Variants in NTM observed in about 807,000 individuals in gnomAD.
The protein encoded by NTM is neurotrimin, also known as IgLON family member 2.
A neutral mutation model predicts 42.1 loss-of-function variants in NTM; 13 were observed. The observed-to-expected ratio is 0.31, with a 90% CI of 0.20 to 0.49. The LOEUF (loss-of-function observed/expected upper bound fraction) is 0.49. NTM is among the 20% of genes least tolerant of loss of function. The pLI, the probability that NTM is intolerant of heterozygous loss-of-function variation, is 0.99. For missense variants in NTM, 373 were observed against 452.8 expected, an observed-to-expected ratio of 0.82 and a Z score of 1.60; for synonymous variants, 187 against 179.2, an observed-to-expected ratio of 1.04 and a Z score of -0.35.
At chr11:132,228,267 T>A (rs1264005788) in intron 4 of NTM, among the ~76,000 whole-genome samples, 3 of 152,248 alleles carry the variant, frequency 2.0e-5, no homozygotes, top group East Asian at 1.9e-4. Flanking sequence ...TCTGTGAACA[T>A]CCCTGCTGCC....
chr11:131,615,665 C>T (rs769624051), intron 1 of NTM, among the ~76,000 whole-genome samples: 4 of 152,140 alleles, frequency 2.6e-5, no homozygotes, highest in South Asian at 2.1e-4. Flanking sequence ...CCACCGCACC[C>T]GGCCGTAGCA....
intron 1 of NTM, among the ~76,000 whole-genome samples, chr11:131,760,077 C>G (rs1215380829): frequency 6.6e-6 from 1 of 151,936 alleles, no homozygotes; most frequent in Admixed American, 6.6e-5. Flanking sequence ...ATTTCTGAAC[C>G]AGAGACAGTC....
intron 1 of NTM, among the ~76,000 whole-genome samples, chr11:131,813,955 C>T (rs1301063648): frequency 6.6e-6 from 1 of 152,116 alleles, no homozygotes; most frequent in East Asian, 1.9e-4. Context: ...AGGTAATGTA[C>T]TGGACTCAGT....
At chr11:131,981,023 A>G (rs570957298) in intron 2 of NTM, 2 of 152,286 alleles carry the variant, frequency 1.3e-5, no homozygotes, top group African/African-American at 4.8e-5. Flanking sequence ...TGTGTTTATA[A>G]TAAGTTTAAA....
chr11:131,830,382 A>T (rs1271094129), intron 1 of NTM, among the ~76,000 whole-genome samples: 1 of 152,218 alleles, frequency 6.6e-6, no homozygotes, highest in Non-Finnish European at 1.5e-5. Context: ...ATCCTTCTGT[A>T]TATGGCTAGC....
chr11:131,759,630 G>C (rs1478112805), intron 1 of NTM, among the ~76,000 whole-genome samples: 4 of 150,842 alleles, frequency 2.7e-5, no homozygotes, highest in Non-Finnish European at 4.4e-5. Flanking sequence ...AGAGAAGCCA[G>C]CTCTTCCGTG....
At chr11:131,429,958 G>A (rs1351458237) in intron 1 of NTM, among the ~76,000 whole-genome samples, 1 of 152,144 alleles carries the variant, frequency 6.6e-6, no homozygotes, top group East Asian at 1.9e-4. Flanking sequence ...GGAGCTTTAG[G>A]ACAGGAACTG....
At chr11:131,960,983 T>A (rs1478137951) in intron 2 of NTM, among the ~76,000 whole-genome samples, 2 of 152,180 alleles carry the variant, frequency 1.3e-5, no homozygotes, top group Non-Finnish European at 2.9e-5. Context: ...CAACAGCGTC[T>A]TCAACCTACT....
chr11:131,990,708 T>G (rs918156767), intron 2 of NTM, among the ~76,000 whole-genome samples: 1 of 152,156 alleles, frequency 6.6e-6, no homozygotes, highest in Non-Finnish European at 1.5e-5. Flanking sequence ...TATTAAGATT[T>G]CAGATACACA....
At chr11:131,892,692 G>C (rs1360005720) in intron 1 of NTM, among the ~76,000 whole-genome samples, 1 of 152,230 alleles carries the variant, frequency 6.6e-6, no homozygotes, top group South Asian at 2.1e-4. Flanking sequence ...AGCTCATCAG[G>C]TTCTCCTGTC....
intron 1 of NTM, among the ~76,000 whole-genome samples, chr11:131,754,901 C>A (rs2083119253): frequency 6.6e-6 from 1 of 152,152 alleles, no homozygotes; most frequent in African/African-American, 2.4e-5. Flanking sequence ...TGAACTCACA[C>A]CATCACGATG....
chr11:132,294,933 G>A (rs2094561918), intron 4 of NTM, among the ~76,000 whole-genome samples: 1 of 152,162 alleles, frequency 6.6e-6, no homozygotes. Flanking sequence ...AGGAAGCAGG[G>A]ACATTGGCTA....
chr11:131,789,870 G>C (rs532041414), intron 1 of NTM, among the ~76,000 whole-genome samples: 2 of 149,776 alleles, frequency 1.3e-5, no homozygotes, highest in South Asian at 4.2e-4. Flanking sequence ...GCAGGAGAAT[G>C]GCGTGAACCC....
At chr11:132,232,875 G>C (rs369329034) in intron 4 of NTM, among the ~76,000 whole-genome samples, 1 of 152,226 alleles carries the variant, frequency 6.6e-6, no homozygotes. Flanking sequence ...AGCAAAAAAC[G>C]TAAGCGGCGT....
chr11:131,571,976 C>A (rs2137093769), intron 1 of NTM, among the ~76,000 whole-genome samples: 1 of 152,292 alleles, frequency 6.6e-6, no homozygotes, highest in African/African-American at 2.4e-5. Flanking sequence ...CAATTTGAAA[C>A]AACAACCACA....
rs1941058555 is a variant in NTM, at chr11:131,370,834, A to C, written c.28A>C (p.Asn10His). Reference sequence around the variant, plus strand: ...GAAAACCATCCAGCCAAAAATGCACAATTCTATCTCTTGGGCAATCTTCAC... The same window carrying C: ...GAAAACCATCCAGCCAAAAATGCACCATTCTATCTCTTGGGCAATCTTCAC... MKTIQPKMHNSISWAIFTGL... is the reference protein window; with the variant it reads MKTIQPKMHHSISWAIFTGL... The change falls in exon 1 of 9, where the codon AAT (asparagine) becomes CAT (histidine). Residue 10 changes from asparagine to histidine, a missense_variant. Asn to His is a moderately conservative substitution (Grantham distance 68). Coordinates refer to ENST00000683400, the MANE Select transcript of NTM (RefSeq NM_001352005.2). 6.2e-7 allele frequency: 1 copy of C among 1,614,076 alleles called. No individual in the cohort carries two copies. Among genetic ancestry groups the C allele is most frequent in the East Asian group, 2.2e-5 (1 of 44,880 alleles).
At chr11:131,547,196 GA>G (rs1161597314) in intron 1 of NTM, among the ~76,000 whole-genome samples, 2 of 152,202 alleles carry the variant, frequency 1.3e-5, no homozygotes, top group Non-Finnish European at 2.9e-5. Context: ...TCAGAGGCGT[GA>G]GCACACAGGC....
At chr11:132,306,625 C>T (rs915291240) in intron 4 of NTM, among the ~76,000 whole-genome samples, 1 of 152,188 alleles carries the variant, frequency 6.6e-6, no homozygotes, top group Non-Finnish European at 1.5e-5. Context: ...AAATGCTTCT[C>T]AATTGCTAGG....
In NTM at chr11:132,336,671, C is replaced by CT. The variant is rs61142048; in HGVS notation, c.*1537dup. On this transcript the variant is annotated 3_prime_UTR_variant, in exon 9 of 9. Coordinates refer to ENST00000683400, the MANE Select transcript of NTM (RefSeq NM_001352005.2). ...GAAGAAAATGCAATTTTTAGGTAAT[C>CT]TTTTTTTTTTTTCCCCTCCCCTGAA... is the stretch of plus-strand genomic sequence containing the variant. 2.8e-3 allele frequency: 410 copies of CT among 144,338 alleles called. 5 individuals carry two copies. Among genetic ancestry groups the CT allele is most frequent in the East Asian group, 0.028 (138 of 4,874 alleles). 8.9% of individuals were successfully genotyped at this position (144,338 alleles called of 1,614,324 possible).
Sources: allele counts gnomAD v4.1 joint callset (sites outside exome capture counted in the v4.1 genomes callset), GRCh38; gene constraint gnomAD v4.1.1; transcripts MANE v1.5; gene names NCBI Gene and HGNC (gene_info 2026-07-23, HGNC 2026-07-21).